GREM2: variants seen among roughly 807,000 people sequenced by gnomAD.
GREM2 encodes the protein gremlin-2.
Under a neutral mutation model 14.2 loss-of-function variants are expected in GREM2, and 11 were observed. The observed-to-expected ratio is 0.78, with a 90% CI of 0.49 to 1.28. GREM2 has a LOEUF of 1.28. Ranked by LOEUF, GREM2 falls within the 50% of genes most tolerant of loss-of-function variation. The pLI is 0.00. For synonymous variants in GREM2, 98 were observed against 97.6 expected, an observed-to-expected ratio of 1.00 and a Z score of -0.02; for missense variants, 210 against 218.5, an observed-to-expected ratio of 0.96 and a Z score of 0.24.
intron 1 of GREM2, among the ~76,000 whole-genome samples, chr1:240,568,653 C>CA (rs769233326): frequency 7.9e-5 from 12 of 152,114 alleles, no homozygotes; most frequent in East Asian, 5.8e-4. Flanking sequence ...TAACACTAAT[C>CA]AAAGAAAACT....
intron 1 of GREM2, among the ~76,000 whole-genome samples, chr1:240,598,871 T>C (rs1679867084): frequency 6.6e-6 from 1 of 152,164 alleles, no homozygotes; most frequent in Non-Finnish European, 1.5e-5. Flanking sequence ...GGCTACTGAC[T>C]TTCATAGTGC....
chr1:240,590,818 C>T (rs1679696184), intron 1 of GREM2: 1 of 149,920 alleles, frequency 6.7e-6, no homozygotes, highest in African/African-American at 2.5e-5. Flanking sequence ...CGGAGTCTCC[C>T]TCTGTTGCCC....
At chr1:240,508,383 T>C (rs1372349967) in intron 1 of GREM2, among the ~76,000 whole-genome samples, 1 of 152,224 alleles carries the variant, frequency 6.6e-6, no homozygotes, top group East Asian at 1.9e-4. Context: ...CTTGGCCTTT[T>C]TATTTTGGAA....
In GREM2 at chr1:240,501,631, C is replaced by T. The variant is rs544944729; in HGVS notation, c.-1-8155G>A. On this transcript the variant is annotated intron_variant, in intron 1 of 1. Transcript: ENST00000318160. Reference sequence around the variant, plus strand: ...ATGAGGAAGCGCTTGGAAAGCTGTGCGTTTATACACAAGTGGGCTGCTTCT... The same window carrying T: ...ATGAGGAAGCGCTTGGAAAGCTGTGTGTTTATACACAAGTGGGCTGCTTCT... 3.3e-5 allele frequency among the ~76,000 whole-genome samples: 5 copies of T among 152,174 alleles called. No homozygotes were observed. The East Asian group carries it at 5.8e-4, about 18-fold the overall frequency.
At chr1:240,555,436 A>G (rs1678937580) in intron 1 of GREM2, among the ~76,000 whole-genome samples, 1 of 152,238 alleles carries the variant, frequency 6.6e-6, no homozygotes, top group African/African-American at 2.4e-5. Context: ...ATTATTGGCA[A>G]TGTGGAAATG....
chr1:240,594,329 G>T (rs1028075584), intron 1 of GREM2, among the ~76,000 whole-genome samples: 1 of 152,172 alleles, frequency 6.6e-6, no homozygotes, highest in Non-Finnish European at 1.5e-5. Flanking sequence ...CAATATTCAT[G>T]CCACACGTGG....
chr1:240,539,437 C>T (rs1387106024), intron 1 of GREM2, among the ~76,000 whole-genome samples: 3 of 152,192 alleles, frequency 2.0e-5, no homozygotes, highest in Admixed American at 2.0e-4. Context: ...GGGAGCCACA[C>T]ATCTCTTTCC....
At chr1:240,608,930 C>G (rs554354460) in intron 1 of GREM2, among the ~76,000 whole-genome samples, 134 of 152,210 alleles carry the variant, frequency 8.8e-4, no homozygotes, top group African/African-American at 3.1e-3. Flanking sequence ...GCTGCCCTCT[C>G]CTGGCCTGTA....
At chr1:240,599,899 T>C (rs1002591454) in intron 1 of GREM2, among the ~76,000 whole-genome samples, 2 of 152,134 alleles carry the variant, frequency 1.3e-5, no homozygotes, top group African/African-American at 4.8e-5. Context: ...GGGAAAATAA[T>C]CCAAATGAAA....
At chr1:240,573,995 C>T (rs1679309262) in intron 1 of GREM2, among the ~76,000 whole-genome samples, 1 of 152,176 alleles carries the variant, frequency 6.6e-6, no homozygotes, top group African/African-American at 2.4e-5. Flanking sequence ...TCTTGGCTCA[C>T]AGCAACCTCT....
chr1:240,506,247 C>T (rs949900447), intron 1 of GREM2, among the ~76,000 whole-genome samples: 82 of 152,162 alleles, frequency 5.4e-4, no homozygotes, highest in African/African-American at 1.8e-3. Flanking sequence ...TAAAGAAAGA[C>T]CTCAGGCTTC....
chr1:240,588,089 A>T (rs6669259), intron 1 of GREM2, among the ~76,000 whole-genome samples: 52,006 of 152,038 alleles, frequency 0.34, 12,474 homozygotes, highest in African/African-American at 0.67. Flanking sequence ...TAACCAATGA[A>T]TGGCAGATGT....
intron 1 of GREM2, among the ~76,000 whole-genome samples, chr1:240,557,660 A>C (rs918597526): frequency 6.6e-6 from 1 of 152,192 alleles, no homozygotes; most frequent in Non-Finnish European, 1.5e-5. Flanking sequence ...TTAATCTTCC[A>C]TGTACCCTTT....
chr1:240,493,503 G>A (rs749052868), intron 1 of GREM2, 27 bp from the exon 2 acceptor site: 7 of 1,571,080 alleles, frequency 4.5e-6, no homozygotes, highest in Middle Eastern at 3.4e-4. Flanking sequence ...AGAGGGGCTG[G>A]CTGTGAAGGG....
At chr1:240,528,093 C>A (rs1268586129) in intron 1 of GREM2, among the ~76,000 whole-genome samples, 1 of 152,212 alleles carries the variant, frequency 6.6e-6, no homozygotes. Context: ...GACATCTTGA[C>A]ACACATTCTC....
intron 1 of GREM2, among the ~76,000 whole-genome samples, chr1:240,552,117 G>A (rs74149163): frequency 2.0e-5 from 3 of 152,020 alleles, no homozygotes; most frequent in East Asian, 1.9e-4. Context: ...GTAATATTAC[G>A]ATCCTTGGGT....
chr1:240,509,399 A>C (rs1352380324), intron 1 of GREM2, among the ~76,000 whole-genome samples: 3 of 117,710 alleles, frequency 2.5e-5, no homozygotes, highest in Non-Finnish European at 3.3e-5. Flanking sequence ...ACAGAGTTTC[A>C]CTCTTGTTGC....
At chr1:240,563,262 T>C (rs1011794054) in intron 1 of GREM2, among the ~76,000 whole-genome samples, 1 of 151,986 alleles carries the variant, frequency 6.6e-6, no homozygotes, top group African/African-American at 2.4e-5. Flanking sequence ...AACATATTTG[T>C]TTTTAATTTA....
At chr1:240,611,077 A>AT (rs1680124378) in intron 1 of GREM2, among the ~76,000 whole-genome samples, 1 of 151,682 alleles carries the variant, frequency 6.6e-6, no homozygotes, top group Non-Finnish European at 1.5e-5. Context: ...CTCAAAATAA[A>AT]AAAAAAAAAG....
Sources: allele counts gnomAD v4.1 joint callset (sites outside exome capture counted in the v4.1 genomes callset), GRCh38; gene constraint gnomAD v4.1.1; transcripts MANE v1.5; gene names NCBI Gene and HGNC (gene_info 2026-07-23, HGNC 2026-07-21).